Variants in BCL2L11 observed in about 807,000 individuals in gnomAD.
BCL2L11 encodes the protein BCL2 like 11, also known as bcl-2-like protein 11.
BCL2L11 carries 15 observed loss-of-function variants against 20.6 expected under a neutral mutation model. That is an observed-to-expected ratio of 0.73 (90% CI 0.49 to 1.12). The LOEUF (loss-of-function observed/expected upper bound fraction) is 1.12, where lower values mean the gene tolerates loss of function less well. BCL2L11 is among the 50% of genes most tolerant of loss of function. BCL2L11 has a pLI of 0.00. For synonymous variants in BCL2L11, 108 were observed against 92.8 expected, an observed-to-expected ratio of 1.16 and a Z score of -0.94; for missense variants, 292 against 260.9, an observed-to-expected ratio of 1.12 and a Z score of -0.82.
At position 111,141,515 on chromosome 2, in the gene BCL2L11, G is replaced by T. The variant is rs1336505555; in HGVS notation, c.395-8529G>T. On this transcript the variant is annotated intron_variant, in intron 2 of 3. Transcript: ENST00000393256. ...AATATCACACTCTGGGGACTGTTGT[G>T]GGGTGGGGGGAGGGGGGAGGGAGAG... 4.1e-5 allele frequency among the ~76,000 whole-genome samples: 5 copies of T among 121,482 alleles called. No individual in the cohort carries two copies. In the Admixed American group the frequency reaches 4.7e-4, roughly 12 times the overall value. The allele number at this position is 121,482 out of a possible 152,430, so 79.7% of individuals were successfully genotyped here.
Position 111,167,801 on chromosome 2 carries a change from C to A in BCL2L11, c.*3570C>A. 6.5e-6 allele frequency: 1 copy of A among 152,926 alleles called. No homozygotes were observed. 9.5% of individuals were successfully genotyped at this position (152,926 alleles called of 1,614,324 possible). On this transcript the variant is annotated 3_prime_UTR_variant, in exon 4 of 4. Transcript: ENST00000393256. ...CCTCCCCACGCCCCACCCATACGGT[C>A]ACTGCATTTGGTCAGCCTGCTTCTT... is the stretch of plus-strand genomic sequence containing the variant.
chr2:111,153,360 G>A (rs1360064164), intron 3 of BCL2L11, among the ~76,000 whole-genome samples: 1 of 151,960 alleles, frequency 6.6e-6, no homozygotes, highest in Non-Finnish European at 1.5e-5. Context: ...GCCTCCACAA[G>A]AGCGAAACTC....
At chr2:111,157,968 C>A (rs183001991) in intron 3 of BCL2L11, among the ~76,000 whole-genome samples, 122 of 152,296 alleles carry the variant, frequency 8.0e-4, no homozygotes, top group African/African-American at 2.7e-3. Flanking sequence ...CAAAGTGCAG[C>A]AGGCACAAGC....
chr2:111,150,348 A>AC, intron 3 of BCL2L11: 1 of 1,091,130 alleles, frequency 9.2e-7, no homozygotes. Flanking sequence ...ATAAAATAAT[A>AC]CAGTAGGAGG....
At chr2:111,151,958 C>T in intron 3 of BCL2L11, 1 of 1,358,602 alleles carries the variant, frequency 7.4e-7, no homozygotes, top group South Asian at 1.3e-5. Flanking sequence ...CCCTCCAGTT[C>T]CTCTGCCTTG....
At chr2:111,135,959 A>G (rs2074802448) in intron 2 of BCL2L11, among the ~76,000 whole-genome samples, 1 of 152,122 alleles carries the variant, frequency 6.6e-6, no homozygotes, top group South Asian at 2.1e-4. Flanking sequence ...AGGGTCTGGG[A>G]GATCGGCCTG....
At chr2:111,136,287 G>A (rs923346951) in intron 2 of BCL2L11, among the ~76,000 whole-genome samples, 2 of 152,164 alleles carry the variant, frequency 1.3e-5, no homozygotes, top group Non-Finnish European at 2.9e-5. Context: ...TGAGGAAAAC[G>A]GCATACTCCC....
intron 2 of BCL2L11, among the ~76,000 whole-genome samples, chr2:111,149,018 T>C (rs144869184): frequency 6.6e-6 from 1 of 152,314 alleles, no homozygotes; most frequent in African/African-American, 2.4e-5. Flanking sequence ...GTAATATGTG[T>C]GTTTAATTGT....
intron 3 of BCL2L11, among the ~76,000 whole-genome samples, chr2:111,156,685 C>T (rs577695648): frequency 1.3e-5 from 2 of 152,170 alleles, no homozygotes; most frequent in South Asian, 2.1e-4. Context: ...TAGGAAAACA[C>T]GACTCACAGA....
At chr2:111,123,356 G>A (rs965076171) in intron 1 of BCL2L11, 1 of 985,492 alleles carries the variant, frequency 1.0e-6, no homozygotes, top group Non-Finnish European at 1.2e-6. Context: ...CCTGTGCTCC[G>A]GCGTCCTACC....
At chr2:111,149,032 T>G (rs1339592972) in intron 2 of BCL2L11, among the ~76,000 whole-genome samples, 5 of 152,336 alleles carry the variant, frequency 3.3e-5, no homozygotes, top group Admixed American at 6.5e-5. Context: ...TAATTGTGAG[T>G]ACGGTGTGCC....
rs1240450511 is a variant in BCL2L11 at position 111,142,181 on chromosome 2, C to A, written c.395-7863C>A. 7 of 764,506 alleles carry A rather than the reference C, an allele frequency of 9.2e-6. No individual in the cohort carries two copies. In the Admixed American group the frequency reaches 1.4e-4, roughly 15 times the overall value. The allele number at this position is 764,506 out of a possible 1,614,324, so 47.4% of individuals were successfully genotyped here. ...GAACACAGTCTTTCAGCACAGAATT[C>A]TTTACATCCTTAACTTGCACTTGTG... On this transcript the variant is annotated intron_variant, in intron 2 of 3. Coordinates refer to ENST00000393256, the MANE Select transcript of BCL2L11 (RefSeq NM_138621.5).
At chr2:111,138,229 G>A (rs1273241088) in intron 2 of BCL2L11, among the ~76,000 whole-genome samples, 1 of 151,944 alleles carries the variant, frequency 6.6e-6, no homozygotes, top group South Asian at 2.1e-4. Context: ...GGCTGGTCTC[G>A]AACTCCTGAC....
intron 2 of BCL2L11, among the ~76,000 whole-genome samples, chr2:111,141,103 C>A (rs1172324054): frequency 5.3e-5 from 8 of 152,212 alleles, no homozygotes; most frequent in Non-Finnish European, 7.3e-5. Flanking sequence ...AATGCCTTAG[C>A]CTGCCTGGAA....
At chr2:111,144,716 A>G (rs1481175632) in intron 2 of BCL2L11, among the ~76,000 whole-genome samples, 1 of 152,232 alleles carries the variant, frequency 6.6e-6, no homozygotes, top group East Asian at 1.9e-4. Flanking sequence ...AGACAGAGGC[A>G]GTGACTCCCC....
intron 2 of BCL2L11, chr2:111,145,912 G>C (rs2076432450): frequency 1.1e-6 from 1 of 919,618 alleles, no homozygotes. Context: ...GTTTTGATTA[G>C]TGGCTTTCTT....
chr2:111,123,490 A>G, intron 1 of BCL2L11: 3 of 985,486 alleles, frequency 3.0e-6, no homozygotes, highest in Non-Finnish European at 3.6e-6. Context: ...GTGTGTGTGC[A>G]CCAGTTCCGC....
chr2:111,156,174 G>A (rs916362491), intron 3 of BCL2L11, among the ~76,000 whole-genome samples: 1 of 152,190 alleles, frequency 6.6e-6, no homozygotes, highest in Non-Finnish European at 1.5e-5. Context: ...TGTTCTCAGC[G>A]TACTTTGGAG....
intron 2 of BCL2L11, among the ~76,000 whole-genome samples, chr2:111,140,646 T>C (rs945137978): frequency 6.6e-6 from 1 of 152,196 alleles, no homozygotes; most frequent in Admixed American, 6.5e-5. Context: ...TTGTCTGTTA[T>C]TTGGTCCCTT....
Sources: gnomAD v4.1 joint callset for allele counts (sites outside exome capture counted in the v4.1 genomes callset) on GRCh38, gnomAD v4.1.1 for gene constraint, MANE v1.5 for transcripts, NCBI Gene and HGNC (gene_info 2026-07-23, HGNC 2026-07-21) for gene names.